The following CCDC57 variants were observed in gnomAD, a reference collection of about 807,000 sequenced individuals.
CCDC57 encodes the protein coiled-coil domain-containing protein 57.
A neutral mutation model predicts 118.9 loss-of-function variants in CCDC57; 118 were observed. The ratio of observed to expected loss-of-function variants is 0.99; its 90% CI spans 0.86 to 1.16. The LOEUF is 1.16. Ranked by LOEUF, CCDC57 falls within the 50% of genes most tolerant of loss-of-function variation. CCDC57 has a pLI of 0.00. For synonymous variants in CCDC57, 527 were observed against 532.9 expected (o/e 0.99, Z 0.15); for missense variants, 1,300 against 1,320.7 (o/e 0.98, Z 0.24).
In CCDC57 at chr17:82,208,673, G is replaced by C. The variant is rs549743820; in HGVS notation, c.-210-625C>G. 1.3e-4 allele frequency among the ~76,000 whole-genome samples: 20 copies of C among 152,144 alleles called. No homozygotes were observed. The South Asian group carries it at 2.5e-3, about 19-fold the overall frequency. ...AGCATCCTGAGTAGCTGGGACTACAGGCAGGCACCACCATGCCCAGTTAAT... is the reference window on the plus strand; with the variant it reads ...AGCATCCTGAGTAGCTGGGACTACACGCAGGCACCACCATGCCCAGTTAAT... On this transcript the variant is annotated intron_variant, in intron 1 of 19. Coordinates refer to ENST00000665763, the Ensembl canonical transcript of CCDC57.
chr17:82,104,607 C>G (rs908455776), intron 19 of CCDC57, among the ~76,000 whole-genome samples: 1 of 152,336 alleles, frequency 6.6e-6, no homozygotes, highest in Admixed American at 6.5e-5. Flanking sequence ...GGCGTGATCT[C>G]AGCTCACTGC....
chr17:82,143,475 CACACACA>C (rs372897705), intron 16 of CCDC57, among the ~76,000 whole-genome samples: 70,656 of 151,520 alleles, frequency 0.47, 17,216 homozygotes, highest in East Asian at 0.88. Flanking sequence ...TGCTCTTACA[CACACACA>C]GGCACACACA....
At chr17:82,133,187 A>G (rs1598781018) in intron 17 of CCDC57, among the ~76,000 whole-genome samples, 1 of 152,218 alleles carries the variant, frequency 6.6e-6, no homozygotes, top group East Asian at 1.9e-4. Context: ...CCTGGGCAAC[A>G]TGGCAAAACT....
At chr17:82,198,979 C>T (rs565912012) in intron 3 of CCDC57, among the ~76,000 whole-genome samples, 67 of 125,936 alleles carry the variant, frequency 5.3e-4, no homozygotes, top group African/African-American at 1.8e-3. Context: ...GGCGACAGAG[C>T]GAGACTCCAT....
chr17:82,113,991 C>G (rs1433536891), intron 19 of CCDC57, among the ~76,000 whole-genome samples: 1 of 152,164 alleles, frequency 6.6e-6, no homozygotes, highest in Admixed American at 6.5e-5. Flanking sequence ...GCAGCTTGGT[C>G]TTGCAGCTAT....
At chr17:82,201,020 C>T (rs1361475573) in intron 3 of CCDC57, among the ~76,000 whole-genome samples, 4 of 152,136 alleles carry the variant, frequency 2.6e-5, no homozygotes, top group African/African-American at 9.7e-5. Context: ...TGTCCTCCTT[C>T]CTTCCTGTCT....
Position 82,210,851 on chromosome 17 carries a change from G to A in CCDC57, c.-211+1934C>T, listed in dbSNP as rs146335668. ...TCTACTAAAAATACACAGATTAGCT[G>A]GGGGTGGTGGTGGGCGGCTGTAATC... is the stretch of plus-strand genomic sequence containing the variant. On this transcript the variant is annotated intron_variant, in intron 1 of 19. Coordinates refer to ENST00000665763, the Ensembl canonical transcript of CCDC57. 7.8e-3 allele frequency among the ~76,000 whole-genome samples: 1,176 copies of A among 151,118 alleles called. 18 individuals are homozygous for A. Among genetic ancestry groups the A allele is most frequent in the African/African-American group, 0.026 (1,079 of 41,172 alleles).
intron 16 of CCDC57, among the ~76,000 whole-genome samples, chr17:82,140,165 A>G (rs1405279842): frequency 1.3e-5 from 2 of 152,012 alleles, no homozygotes. Context: ...GGCTCACTGC[A>G]AGCTCCGCCT....
intron 2 of CCDC57, among the ~76,000 whole-genome samples, chr17:82,206,038 GT>G (rs1284316865): frequency 6.7e-6 from 1 of 149,092 alleles, no homozygotes; most frequent in South Asian, 2.2e-4. Flanking sequence ...GCCAGCAGGC[GT>G]CCCCAGCAAG....
chr17:82,171,929 A>AC, intron 12 of CCDC57, 76 bp from the exon 12 acceptor site: 2 of 1,522,904 alleles, frequency 1.3e-6, no homozygotes, highest in Non-Finnish European at 1.8e-6. Context: ...GCACCAGCTC[A>AC]GGGAGCCGAT....
chr17:82,172,947 C>T lies in CCDC57; in HGVS notation c.1507-87G>A. 1 of 1,211,904 alleles carries T rather than the reference C, an allele frequency of 8.3e-7. No homozygotes were observed. The highest frequency in any genetic ancestry group is 1.2e-6 in the Non-Finnish European group (1 of 847,014). 75.1% of individuals were successfully genotyped at this position (1,211,904 alleles called of 1,614,324 possible). On this transcript the variant is annotated intron_variant, in intron 11 of 19. Coordinates refer to ENST00000665763, the Ensembl canonical transcript of CCDC57. This position sits in a 1 kb window ranked among gnomAD's most constrained non-coding sequence, Gnocchi z 5.2. Reference sequence around the variant, plus strand: ...GGCTGTGCCTCCGCTCTCCCCGCGCCCCTCTCGGGCCGGTCCCCCGCTTCA... The same window carrying T: ...GGCTGTGCCTCCGCTCTCCCCGCGCTCCTCTCGGGCCGGTCCCCCGCTTCA...
intron 9 of CCDC57, 23 bp downstream of exon 8, chr17:82,183,751 A>T (rs1384054740): frequency 6.5e-7 from 1 of 1,549,058 alleles, no homozygotes; most frequent in African/African-American, 1.4e-5. Flanking sequence ...CCTCAATGGA[A>T]ACATCTGCCT....
chr17:82,129,257 C>T (rs934067370), intron 17 of CCDC57, among the ~76,000 whole-genome samples: 3 of 152,114 alleles, frequency 2.0e-5, no homozygotes, highest in African/African-American at 4.8e-5. Context: ...TGCCTCTGCC[C>T]GCCCCATGCC....
chr17:82,209,724 C>T (rs1599521790), intron 1 of CCDC57, among the ~76,000 whole-genome samples: 2 of 152,122 alleles, frequency 1.3e-5, no homozygotes, highest in African/African-American at 4.8e-5. Context: ...TCACCTCAAG[C>T]GATTTTCCCC....
At chr17:82,194,312 T>TTG (rs1201719620) in intron 5 of CCDC57, 173 bp from the exon 5 acceptor site, 2 of 656,174 alleles carry the variant, frequency 3.0e-6, no homozygotes, top group South Asian at 4.7e-5. Flanking sequence ...TCAATGACTT[T>TTG]TTTTTTTTTC....
intron 2 of CCDC57, among the ~76,000 whole-genome samples, chr17:82,206,947 T>C (rs1156887418): frequency 6.6e-6 from 1 of 152,190 alleles, no homozygotes; most frequent in Non-Finnish European, 1.5e-5. Flanking sequence ...TAGTTTATAG[T>C]TTGAAACAAA....
chr17:82,206,069 C>CA (rs56085378), intron 2 of CCDC57, among the ~76,000 whole-genome samples: 14 of 151,998 alleles, frequency 9.2e-5, no homozygotes, highest in Non-Finnish European at 2.1e-4. Flanking sequence ...TCAAGAAGGA[C>CA]CATGAAGCTT....
chr17:82,199,474 T>G (rs375943092), intron 3 of CCDC57, among the ~76,000 whole-genome samples: 2 of 42,168 alleles, frequency 4.7e-5, no homozygotes, highest in East Asian at 0.01. Context: ...CAAGACTCTG[T>G]CTCAAAAAAA....
chr17:82,144,222 A>T lies in CCDC57; in HGVS notation c.2455+7338T>A, dbSNP rs545329364. Among the ~76,000 whole-genome samples the T allele has an allele frequency of 1.5e-3, 222 of 152,236 alleles. 1 individual carries two copies. The highest frequency in any genetic ancestry group is 5.2e-3 in the African/African-American group (216 of 41,544). On this transcript the variant is annotated intron_variant, in intron 16 of 19. Coordinates refer to ENST00000665763, the Ensembl canonical transcript of CCDC57. The stretch of plus-strand genomic sequence containing the variant: ...CTACTTGGGAGGCTAAGGCAGGAAG[A>T]TTGCTTTAGCCCAAGAAATAGAGAC...
Sources: allele counts gnomAD v4.1 joint callset (sites outside exome capture counted in the v4.1 genomes callset), GRCh38; gene constraint gnomAD v4.1.1; non-coding constraint Gnocchi (gnomAD v3.1); transcripts MANE v1.5; gene names NCBI Gene and HGNC (gene_info 2026-07-23, HGNC 2026-07-21).